The following KLC2 variants were observed in gnomAD, a reference collection of about 807,000 sequenced individuals.
KLC2 encodes KLC 2.
In KLC2, 35 loss-of-function variants were observed where a neutral mutation model predicts 75.1. That is an observed-to-expected ratio of 0.47 (90% CI 0.36 to 0.62). KLC2 has a LOEUF of 0.62. KLC2 is among the 20% of genes least tolerant of loss of function. The probability of loss-of-function intolerance (pLI) is 0.00; values close to 1 mark genes in which losing one functional copy is unlikely to be tolerated. For missense variants in KLC2, 611 were observed against 833.2 expected (o/e 0.73, Z 3.28); for synonymous variants, 314 against 336.7 (o/e 0.93, Z 0.74).
rs1246557262 is a variant in KLC2, at chr11:66,267,615, C to G, written c.*659C>G. On this transcript the variant is annotated 3_prime_UTR_variant, in exon 16 of 16. Transcript: ENST00000394067. ...TCCCCTTAGTCCGTCCTCCCACCGC[C>G]GGGCCCTGCCCCGCATCCCGGCCTT... 3 of 599,106 alleles carry G rather than the reference C, an allele frequency of 5.0e-6. No individual in the cohort carries two copies. Among genetic ancestry groups the G allele is most frequent in the East Asian group, 5.6e-5 (2 of 36,010 alleles). 37.1% of individuals were successfully genotyped at this position (599,106 alleles called of 1,614,324 possible).
chr11:66,265,252 T>TGGGCTGGGGAGCA lies in KLC2; in HGVS notation c.1334+22_1334+34dup, dbSNP rs1565174995. 1.3e-6 allele frequency: 1 copy of TGGGCTGGGGAGCA among 753,314 alleles called. No individual in the cohort carries two copies. The highest frequency in any genetic ancestry group is 2.2e-6 in the Non-Finnish European group (1 of 446,570). 46.7% of individuals were successfully genotyped at this position (753,314 alleles called of 1,614,324 possible). A position where few individuals can be genotyped will look rare whatever the true frequency, so the allele number is the denominator to read the frequency against. On this transcript the variant is annotated intron_variant, in intron 11 of 15. Transcript: ENST00000394067. ...AGTAGACAGGTGAGTGGGGCGGGGC[T>TGGGCTGGGGAGCA]GGGCTGGGGAGCAGGGCACGGCAGG...
the KLC2 span, among the ~76,000 whole-genome samples, chr11:66,250,013 C>T: frequency 6.6e-6 from 1 of 152,156 alleles, no homozygotes; most frequent in South Asian, 2.1e-4. Context: ...ACTACCTTCA[C>T]TTCTAGTTGC....
upstream of KLC2, among the ~76,000 whole-genome samples, chr11:66,253,005 CT>C (rs34358719): frequency 0.15 from 18,539 of 122,704 alleles, 666 homozygotes; most frequent in Middle Eastern, 0.18. Flanking sequence ...AATGTGCTGA[CT>C]TTTTTTTTTT....
chr11:66,244,595 C>G, the KLC2 span: 2 of 152,392 alleles, frequency 1.3e-5, no homozygotes, highest in African/African-American at 2.4e-5. Context: ...TTCTCATTCT[C>G]CATACCTCCC....
upstream of KLC2, among the ~76,000 whole-genome samples, chr11:66,252,543 G>A (rs1418085263): frequency 2.6e-5 from 4 of 152,186 alleles, no homozygotes; most frequent in East Asian, 1.9e-4. Flanking sequence ...GATTACAGGC[G>A]TGAGCCACCG....
the KLC2 span, among the ~76,000 whole-genome samples, chr11:66,246,906 C>T: frequency 6.6e-6 from 1 of 152,094 alleles, no homozygotes; most frequent in Non-Finnish European, 1.5e-5. Context: ...TTTTGGCCTC[C>T]CTTGCTATGG....
chr11:66,247,297 A>C, the KLC2 span, among the ~76,000 whole-genome samples: 1 of 152,214 alleles, frequency 6.6e-6, no homozygotes, highest in Non-Finnish European at 1.5e-5. Flanking sequence ...CTCAATAGCC[A>C]GAGATTTTTC....
At chr11:66,247,623 CCT>C in the KLC2 span, among the ~76,000 whole-genome samples, 116 of 143,254 alleles carry the variant, frequency 8.1e-4, no homozygotes, top group Admixed American at 1.6e-3. Context: ...TTCTCCAACC[CCT>C]CTTTTTTTTT....
chr11:66,258,730 G>C lies in KLC2; in HGVS notation c.136G>C (p.Glu46Gln), dbSNP rs753845837. The C allele has an allele frequency of 1.2e-6, 2 of 1,613,310 alleles. No homozygotes were observed. Among genetic ancestry groups the C allele is most frequent in the Admixed American group, 1.7e-5 (1 of 60,006 alleles). The change falls in exon 2 of 16, where the codon GAG becomes CAG. Residue 46 changes from glutamate (E) to glutamine (Q), a missense_variant. By Grantham distance (29) the Glu-to-Gln change is conservative. Coordinates refer to ENST00000394067, the MANE Select transcript of KLC2 (RefSeq NM_001318734.2). ...CCTGCTGGCTCCTCTGGTTGCACCT[G>C]AGGCCGGCGAAGCCGAGCCTGGCTC... The part of the protein sequence containing the change: ...RALLAPLVAP[E>Q]AGEAEPGSQE...
At chr11:66,261,087 A>C (rs1485403299) in intron 2 of KLC2, 2 of 148,322 alleles carry the variant, frequency 1.3e-5, no homozygotes, top group East Asian at 3.9e-4. Flanking sequence ...AAAAAGAGAG[A>C]GCAAGAAGGG....
rs1474256706 is a variant in KLC2 at position 66,266,156 on chromosome 11, A to G, written c.1666A>G (p.Ser556Gly). 1.2e-6 allele frequency: 2 copies of G among 1,613,516 alleles called. No homozygotes were observed. Among genetic ancestry groups the G allele is most frequent in the East Asian group, 2.2e-5 (1 of 44,880 alleles). Reference sequence around the variant, plus strand: ...GAAACTCCGGGATGCCCTGAGGCGCAGCAGTGAGATGCTGGTAAAGAAGCT... The same window carrying G: ...GAAACTCCGGGATGCCCTGAGGCGCGGCAGTGAGATGCTGGTAAAGAAGCT... The part of the protein sequence containing the change: ...FGKLRDALRR[S>G]SEMLVKKLQG... Residue 556 changes from serine (S) to glycine (G), a missense_variant, in exon 14 of 16, where the codon AGC (serine) becomes GGC (glycine). Physicochemically the swap from Ser to Gly is moderately conservative, Grantham distance 56. Coordinates refer to ENST00000394067, the MANE Select transcript of KLC2 (RefSeq NM_001318734.2).
Position 66,264,022 on chromosome 11 carries a change from C to T in KLC2, c.943-24C>T, listed in dbSNP as rs867742140. ...GGGCCCGGGCAGCCCTGAGCCCAAC[C>T]CCTGGCTCCCTCTCCCATCCCAGGT... On this transcript the variant is annotated intron_variant, in intron 7 of 15. Transcript: ENST00000394067. 6.8e-6 allele frequency: 11 copies of T among 1,610,002 alleles called. No individual in the cohort carries two copies. The Middle Eastern group carries it at 1.3e-3, about 194-fold the overall frequency.
At chr11:66,262,227 AGGTTGTGTGAACTCTT>A in intron 4 of KLC2, 35 bp downstream of exon 4, 1 of 1,565,034 alleles carries the variant, frequency 6.4e-7, no homozygotes, top group Non-Finnish European at 8.8e-7. Flanking sequence ...GGGGAAGGAA[AGGTTGTGTGAACTCTT>A]GGTCCTTGGG....
At position 66,258,632 on chromosome 11, in the gene KLC2, G is replaced by A. The variant is rs745506763; in HGVS notation, c.38G>A (p.Ser13Asn). 3.1e-6 allele frequency: 5 copies of A among 1,613,898 alleles called. No homozygotes were observed. The highest frequency in any genetic ancestry group is 4.2e-6 in the Non-Finnish European group (5 of 1,179,892). Residue 13 changes from serine to asparagine, a missense_variant, in exon 2 of 16, where the codon AGC becomes AAC. By Grantham distance (46) the Ser-to-Asn change is conservative (BLOSUM62 1). Coordinates refer to ENST00000394067, the MANE Select transcript of KLC2 (RefSeq NM_001318734.2). Reference sequence around the variant, plus strand: ...GTGTTTCCGCGGGAGGAGAAGCTGAGCCAGGATGAGATCGTGCTGGGCACC... The same window carrying A: ...GTGTTTCCGCGGGAGGAGAAGCTGAACCAGGATGAGATCGTGCTGGGCACC... ...MMVFPREEKL[S>N]QDEIVLGTKA...
rs111529920 is a variant in KLC2, at chr11:66,265,236, G to C, written c.1334+1G>C. On this transcript the variant is annotated splice_donor_variant, in intron 11 of 15. Transcript: ENST00000394067. LOFTEE classifies it high-confidence loss of function. ...GGTACAAGGCCTGTAAAGTAGACAG[G>C]TGAGTGGGGCGGGGCTGGGCTGGGG... 1 of 1,564,256 alleles carries C rather than the reference G, an allele frequency of 6.4e-7. No individual in the cohort carries two copies. Among genetic ancestry groups the C allele is most frequent in the Non-Finnish European group, 8.8e-7 (1 of 1,136,276 alleles).
intron 8 of KLC2, 47 bp from the exon 9 acceptor site, chr11:66,264,298 G>A: frequency 6.3e-7 from 1 of 1,579,886 alleles, no homozygotes; most frequent in South Asian, 1.1e-5. Context: ...AGAGAAAAAG[G>A]CTTGGCTGCA....
Position 66,263,774 on chromosome 11 carries a change from G to A in KLC2, c.840+27G>A, listed in dbSNP as rs776707326. On this transcript the variant is annotated intron_variant, in intron 6 of 15. Coordinates refer to ENST00000394067, the MANE Select transcript of KLC2 (RefSeq NM_001318734.2). The stretch of plus-strand genomic sequence containing the variant: ...TGAGTGAGGGTTGGGTGGGAGGTGG[G>A]GGCTGTGCCCCATCCCCTGCAGGTC... 8.1e-6 allele frequency: 13 copies of A among 1,608,244 alleles called. No homozygotes were observed. In the South Asian group the frequency reaches 1.4e-4, roughly 18 times the overall value.
upstream of KLC2, among the ~76,000 whole-genome samples, chr11:66,254,760 T>C (rs1161669065): frequency 6.6e-6 from 1 of 151,280 alleles, no homozygotes; most frequent in Non-Finnish European, 1.5e-5. Flanking sequence ...ACCCTATCTC[T>C]ACTAAAAACA....
upstream of KLC2, among the ~76,000 whole-genome samples, chr11:66,253,151 T>G (rs1855977557): frequency 6.6e-6 from 1 of 152,006 alleles, no homozygotes; most frequent in South Asian, 2.1e-4. Flanking sequence ...GTATTTTTAG[T>G]AGAGACAGGG....
Sources: gnomAD v4.1 joint callset for allele counts (sites outside exome capture counted in the v4.1 genomes callset) on GRCh38, gnomAD v4.1.1 for gene constraint, MANE v1.5 for transcripts, NCBI Gene and HGNC (gene_info 2026-07-23, HGNC 2026-07-21) for gene names.